Variants in GABRA1 observed in about 807,000 individuals in gnomAD.
GABRA1 encodes the protein gamma-aminobutyric acid type A receptor subunit alpha1.
A neutral mutation model predicts 48.9 loss-of-function variants in GABRA1; 9 were observed. The ratio of observed to expected loss-of-function variants is 0.18; its 90% confidence interval spans 0.11 to 0.32. The LOEUF (loss-of-function observed/expected upper bound fraction) is 0.32, where lower values mean the gene tolerates loss of function less well. Ranked by LOEUF, GABRA1 falls within the 10% of genes least tolerant of loss-of-function variation. The pLI is 1.00. For synonymous variants in GABRA1, 210 were observed against 198.7 expected, an observed-to-expected ratio of 1.06 and a Z score of -0.48; for missense variants, 285 against 553.8, an observed-to-expected ratio of 0.51 and a Z score of 4.87.
At chr5:161,876,372 G>T (rs1456187888) in intron 6 of GABRA1, among the ~76,000 whole-genome samples, 2 of 152,078 alleles carry the variant, frequency 1.3e-5, no homozygotes, top group Non-Finnish European at 2.9e-5. Context: ...TACATGCATG[G>T]AGTGAGTGGG....
chr5:161,868,675 A>G (rs1396146540), intron 4 of GABRA1, among the ~76,000 whole-genome samples: 1 of 152,136 alleles, frequency 6.6e-6, no homozygotes, highest in Non-Finnish European at 1.5e-5. Flanking sequence ...TCACAGAGTC[A>G]ATGTCCAATA....
At chr5:161,893,042 T>TAA (rs1230368788) in intron 8 of GABRA1, among the ~76,000 whole-genome samples, 287 of 130,398 alleles carry the variant, frequency 2.2e-3, no homozygotes, top group South Asian at 7.3e-3. Context: ...ATAATAATAA[T>TAA]AATAATAAAA....
intron 3 of GABRA1, among the ~76,000 whole-genome samples, chr5:161,857,196 C>T (rs1053724204): frequency 6.6e-6 from 1 of 151,294 alleles, no homozygotes; most frequent in Non-Finnish European, 1.5e-5. Context: ...CATAAAGGTG[C>T]CCACTGTCTT....
chr5:161,854,165 C>G lies in GABRA1; in HGVS notation c.82C>G (p.Gln28Glu). ...LSTLTGRSYGQPSLQDELKDN... is the reference protein window; with the variant it reads ...LSTLTGRSYGEPSLQDELKDN... The stretch of plus-strand genomic sequence containing the variant: ...CTTTATGTTTTTTTTCAGCTATGGA[C>G]AGCCGTCATTACAAGATGAACTTAA... Residue 28 changes from glutamine (Q) to glutamate (E), a missense_variant, in exon 3 of 10, where the codon CAG (glutamine) becomes GAG (glutamate). Physicochemically the swap from Gln to Glu is conservative, Grantham distance 29. Coordinates refer to ENST00000393943, the MANE Select transcript of GABRA1 (RefSeq NM_001127644.2). 1 of 1,576,730 alleles carries G rather than the reference C, an allele frequency of 6.3e-7. No homozygotes were observed. The highest frequency in any genetic ancestry group is 8.7e-7 in the Non-Finnish European group (1 of 1,146,892).
At chr5:161,877,407 TAGATTTCTGATTGGTTCAGCATCCTAAC>T (rs1384783959) in intron 6 of GABRA1, among the ~76,000 whole-genome samples, 1 of 152,200 alleles carries the variant, frequency 6.6e-6, no homozygotes, top group Non-Finnish European at 1.5e-5. Flanking sequence ...TGAGTGCTGA[TAGATTTCTGATTGGTTCAGCATCCTAAC>T]AAGGCCACTG....
In GABRA1 at chr5:161,873,856, G is replaced by A. The variant is rs80309240; in HGVS notation, c.476+519G>A. ...TAATTTTGCTCAAACTAAAGACTAC[G>A]TATACATTTCTGTTTTATAAACATT... On this transcript the variant is annotated intron_variant, in intron 5 of 9. Coordinates refer to ENST00000393943, the MANE Select transcript of GABRA1 (RefSeq NM_001127644.2). Among the ~76,000 whole-genome samples, 423 of 152,240 alleles carry A rather than the reference G, an allele frequency of 2.8e-3. 8 individuals are homozygous for A. In the East Asian group the frequency reaches 0.053, roughly 19 times the overall value.
rs5872733 is a variant in GABRA1 at position 161,893,048 on chromosome 5, T to TAATAATAATAATA, written c.856+2000_856+2001insTAATAATAATAAA. On this transcript the variant is annotated intron_variant, in intron 8 of 9. Coordinates refer to ENST00000393943, the MANE Select transcript of GABRA1 (RefSeq NM_001127644.2). ...ATAATAATAATAATAATAATAATAA[T>TAATAATAATAATA]AAAATAAACACAGGACATATTTATG... 4.9e-5 allele frequency among the ~76,000 whole-genome samples: 7 copies of TAATAATAATAATA among 142,010 alleles called. No individual in the cohort carries two copies. The South Asian group carries it at 6.6e-4, about 13-fold the overall frequency. 93.2% of individuals were successfully genotyped at this position (142,010 alleles called of 152,430 possible).
intron 3 of GABRA1, among the ~76,000 whole-genome samples, chr5:161,862,382 C>G (rs1411529484): frequency 1.3e-5 from 2 of 151,740 alleles, no homozygotes; most frequent in Non-Finnish European, 2.9e-5. Context: ...ACCTCAGATC[C>G]TTTGCCTCCT....
chr5:161,850,418 G>A (rs1020794907), intron 1 of GABRA1: 2 of 441,592 alleles, frequency 4.5e-6, no homozygotes, highest in African/African-American at 4.1e-5. Flanking sequence ...GTTCACTGTG[G>A]AAACTGAAAT....
intron 6 of GABRA1, among the ~76,000 whole-genome samples, chr5:161,881,394 G>A (rs951631972): frequency 3.9e-5 from 6 of 152,032 alleles, no homozygotes; most frequent in Non-Finnish European, 5.9e-5. Flanking sequence ...CTCACTCTAT[G>A]CAATCTCTCC....
At chr5:161,855,486 T>C (rs114315666) in intron 3 of GABRA1, among the ~76,000 whole-genome samples, 1,530 of 151,576 alleles carry the variant, frequency 0.01, 15 homozygotes, top group Non-Finnish European at 0.015. Context: ...GGACATACTA[T>C]ACAAATTTCC....
chr5:161,873,943 G>A (rs1754233867), intron 5 of GABRA1, among the ~76,000 whole-genome samples: 2 of 152,086 alleles, frequency 1.3e-5, no homozygotes, highest in African/African-American at 2.4e-5. Flanking sequence ...CCTTATGACT[G>A]AATGAAGGAA....
intron 4 of GABRA1, among the ~76,000 whole-genome samples, chr5:161,869,990 G>C (rs925427601): frequency 2.0e-5 from 3 of 152,044 alleles, no homozygotes; most frequent in Non-Finnish European, 4.4e-5. Flanking sequence ...ATATAAATTT[G>C]TGTTGATAAA....
intron 1 of GABRA1, 70 bp from the exon 2 acceptor site, chr5:161,850,726 G>T: frequency 7.7e-7 from 1 of 1,294,198 alleles, no homozygotes; most frequent in South Asian, 1.2e-5. Flanking sequence ...AACTGCCTCA[G>T]TCAGCCCTGG....
At chr5:161,892,357 G>A (rs541135326) in intron 8 of GABRA1, among the ~76,000 whole-genome samples, 2 of 152,266 alleles carry the variant, frequency 1.3e-5, no homozygotes, top group Non-Finnish European at 2.9e-5. Flanking sequence ...AATATGTAGT[G>A]TATGAAAAAT....
At chr5:161,859,615 G>A (rs1561567991) in intron 3 of GABRA1, among the ~76,000 whole-genome samples, 1 of 151,716 alleles carries the variant, frequency 6.6e-6, no homozygotes, top group Non-Finnish European at 1.5e-5. Flanking sequence ...AGCTGTCCCG[G>A]GATGATAAAA....
chr5:161,888,334 A>G (rs926807018), intron 7 of GABRA1, among the ~76,000 whole-genome samples: 4 of 152,166 alleles, frequency 2.6e-5, no homozygotes, highest in African/African-American at 9.6e-5. Context: ...TCCTTATTTG[A>G]AAGTTTGTGC....
intron 5 of GABRA1, 73 bp downstream of exon 5, chr5:161,873,410 G>C: frequency 4.2e-6 from 5 of 1,180,140 alleles, no homozygotes; most frequent in Non-Finnish European, 6.3e-6. Flanking sequence ...CAATCATCAG[G>C]CTGATGAGCC....
intron 7 of GABRA1, 121 bp downstream of exon 7, chr5:161,882,822 C>A: frequency 1.0e-6 from 1 of 998,538 alleles, no homozygotes; most frequent in Non-Finnish European, 1.5e-6. Context: ...AATTGGGCAT[C>A]AGTTGAGCTG....
Sources: gnomAD v4.1 joint callset for allele counts (sites outside exome capture counted in the v4.1 genomes callset) on GRCh38, gnomAD v4.1.1 for gene constraint, MANE v1.5 for transcripts, NCBI Gene and HGNC (gene_info 2026-07-23, HGNC 2026-07-21) for gene names.